The following CHL1 variants were observed in gnomAD, a reference collection of about 807,000 sequenced individuals.
CHL1 encodes cell adhesion molecule L1 like, also known as neural cell adhesion molecule L1-like protein.
Under a neutral mutation model 141.9 loss-of-function variants are expected in CHL1, and 96 were observed. The observed-to-expected ratio is 0.68, with a 90% CI of 0.57 to 0.80. The LOEUF is 0.80. Ranked by LOEUF, CHL1 falls within the 30% of genes least tolerant of loss-of-function variation. The pLI, the probability that CHL1 is intolerant of heterozygous loss-of-function variation, is 0.00. For missense variants in CHL1, 1,820 were observed against 1,457.2 expected (o/e 1.25, Z -4.05); for synonymous variants, 613 against 502.2 (o/e 1.22, Z -2.95).
intron 15 of CHL1, among the ~76,000 whole-genome samples, chr3:366,801 A>G (rs923101570): frequency 6.6e-6 from 1 of 152,068 alleles, no homozygotes; most frequent in South Asian, 2.1e-4. Context: ...AACTGCTGCC[A>G]TCTTCATGGC....
chr3:327,390 C>G (rs969770155), intron 4 of CHL1, among the ~76,000 whole-genome samples: 2 of 150,554 alleles, frequency 1.3e-5, no homozygotes, highest in Non-Finnish European at 3.0e-5. Flanking sequence ...AACTGACACT[C>G]TAGCATACTG....
At chr3:296,186 A>G (rs1698172323) in intron 2 of CHL1, among the ~76,000 whole-genome samples, 1 of 152,160 alleles carries the variant, frequency 6.6e-6, no homozygotes, top group South Asian at 2.1e-4. Flanking sequence ...CTTAGTAGAT[A>G]CTTGCCTTTC....
At chr3:336,076 G>T (rs550537597) in intron 5 of CHL1, among the ~76,000 whole-genome samples, 1 of 152,148 alleles carries the variant, frequency 6.6e-6, no homozygotes, top group Admixed American at 6.5e-5. Flanking sequence ...TTAAGTAGCA[G>T]ATTCAAAGAT....
intron 12 of CHL1, among the ~76,000 whole-genome samples, 166 bp downstream of exon 12, chr3:360,590 CT>C (rs5845966): frequency 5.4e-5 from 7 of 130,702 alleles, no homozygotes; most frequent in African/African-American, 1.8e-4. Flanking sequence ...ATTGTACTTT[CT>C]TTTTTTTTTT....
intron 2 of CHL1, among the ~76,000 whole-genome samples, chr3:307,356 C>T (rs1699333053): frequency 6.6e-6 from 1 of 152,192 alleles, no homozygotes; most frequent in African/African-American, 2.4e-5. Flanking sequence ...GAATTATACC[C>T]TGTATTCTGT....
chr3:287,737 C>A (rs554162170), intron 2 of CHL1, among the ~76,000 whole-genome samples: 1 of 151,724 alleles, frequency 6.6e-6, no homozygotes, highest in East Asian at 1.9e-4. Flanking sequence ...GTTATGGTAG[C>A]AGATAGATAC....
chr3:200,799 C>G (rs1698853211), intron 1 of CHL1, among the ~76,000 whole-genome samples: 1 of 152,194 alleles, frequency 6.6e-6, no homozygotes, highest in African/African-American at 2.4e-5. Context: ...TTGGGGGAGA[C>G]TGGAAACAAT....
At chr3:397,462 G>T (rs969700725) in intron 24 of CHL1, among the ~76,000 whole-genome samples, 1 of 151,818 alleles carries the variant, frequency 6.6e-6, no homozygotes, top group Non-Finnish European at 1.5e-5. Context: ...TTATATCATT[G>T]TTAACATTTT....
intron 2 of CHL1, among the ~76,000 whole-genome samples, chr3:302,300 G>T (rs1247971529): frequency 1.3e-5 from 2 of 152,082 alleles, no homozygotes; most frequent in Non-Finnish European, 2.9e-5. Flanking sequence ...TTCTAGTTCT[G>T]CATCCTTAAG....
chr3:392,353 T>C (rs1432765421), intron 23 of CHL1, among the ~76,000 whole-genome samples: 1 of 152,238 alleles, frequency 6.6e-6, no homozygotes, highest in East Asian at 1.9e-4. Flanking sequence ...TTATCCAATG[T>C]CTATGGGTTG....
chr3:296,645 T>C (rs1698211717), intron 2 of CHL1, among the ~76,000 whole-genome samples: 1 of 152,160 alleles, frequency 6.6e-6, no homozygotes, highest in East Asian at 1.9e-4. Context: ...GAAGGTTAGA[T>C]GGTATGGATG....
intron 9 of CHL1, among the ~76,000 whole-genome samples, chr3:348,482 T>G (rs1702954146): frequency 6.6e-6 from 1 of 152,186 alleles, no homozygotes. Context: ...TTCCACATAA[T>G]TTTTAAATCA....
chr3:336,521 T>C (rs1575099907), intron 5 of CHL1, among the ~76,000 whole-genome samples: 2 of 152,296 alleles, frequency 1.3e-5, no homozygotes, highest in East Asian at 3.9e-4. Flanking sequence ...CTTAAGAAGC[T>C]TCTACCCTGG....
At chr3:295,158 C>T (rs1215606073) in intron 2 of CHL1, among the ~76,000 whole-genome samples, 1 of 151,804 alleles carries the variant, frequency 6.6e-6, no homozygotes, top group Non-Finnish European at 1.5e-5. Flanking sequence ...GCCTCCCAAT[C>T]CCCCTCCCAA....
intron 2 of CHL1, among the ~76,000 whole-genome samples, chr3:298,197 G>A (rs1174124627): frequency 1.3e-5 from 2 of 152,158 alleles, no homozygotes; most frequent in Non-Finnish European, 2.9e-5. Context: ...TAAAAAATGT[G>A]TTCTTTCAGA....
chr3:361,791 C>T lies in CHL1; in HGVS notation c.1399C>T (p.Pro467Ser). 6.2e-7 allele frequency: 1 copy of T among 1,611,754 alleles called. No homozygotes were observed. The highest frequency in any genetic ancestry group is 8.5e-7 in the Non-Finnish European group (1 of 1,177,928). Residue 467 changes from proline (P) to serine (S), a missense_variant, in exon 13 of 28, where the codon CCT (proline) becomes TCT (serine). Physicochemically the swap from Pro to Ser is moderately conservative, Grantham distance 74. Coordinates refer to ENST00000256509, the MANE Select transcript of CHL1 (RefSeq NM_006614.4). ...CTTACATTGCGAGTTCTTTGCTTCA[C>T]CTGAGGCAGTCGTGTCCTGGTAAGC... ...AFLHCEFFAS[P>S]EAVVSWQKVE...
At chr3:227,592 A>G (rs1461578715) in intron 1 of CHL1, among the ~76,000 whole-genome samples, 1 of 152,366 alleles carries the variant, frequency 6.6e-6, no homozygotes, top group Middle Eastern at 3.4e-3. Flanking sequence ...TTCTGGAGAC[A>G]ATAGCATGTG....
chr3:379,499 C>A (rs1463313339), intron 16 of CHL1, among the ~76,000 whole-genome samples: 1 of 151,968 alleles, frequency 6.6e-6, no homozygotes, highest in Non-Finnish European at 1.5e-5. Context: ...GGAATTCATC[C>A]CAGGCCTAGT....
chr3:277,619 A>G (rs1696262846), intron 2 of CHL1, among the ~76,000 whole-genome samples: 2 of 152,228 alleles, frequency 1.3e-5, no homozygotes, highest in Admixed American at 1.3e-4. Flanking sequence ...ACTGGAAAAA[A>G]ATGCAAAAAA....
Sources: gnomAD v4.1 joint callset for allele counts (sites outside exome capture counted in the v4.1 genomes callset) on GRCh38, gnomAD v4.1.1 for gene constraint, MANE v1.5 for transcripts, NCBI Gene and HGNC (gene_info 2026-07-23, HGNC 2026-07-21) for gene names.